Variants in PITPNM2 observed in about 807,000 individuals in gnomAD.
The protein encoded by PITPNM2 is phosphatidylinositol transfer protein membrane associated 2.
Under a neutral mutation model 132.2 loss-of-function variants are expected in PITPNM2, and 35 were observed. The observed-to-expected ratio is 0.26, with a 90% CI of 0.20 to 0.35. The LOEUF is 0.35. Ranked by LOEUF, PITPNM2 falls within the 10% of genes least tolerant of loss-of-function variation. The pLI is 1.00. For synonymous variants in PITPNM2, 738 were observed against 799.2 expected, an observed-to-expected ratio of 0.92 and a Z score of 1.29; for missense variants, 1,332 against 1,912.0, an observed-to-expected ratio of 0.70 and a Z score of 5.66.
In PITPNM2 at chr12:123,150,849, C is replaced by CCGGCCCGGCCGGCTGCGCCCCGCG. The variant is rs2043728021; in HGVS notation, c.-320_-297dup. ...CACGGGGAGCGCCCGCCCCGCGGCCCCGGCCCGGCCGGCTGCGCCCCGCGC... is the reference window on the plus strand; with the variant it reads ...CACGGGGAGCGCCCGCCCCGCGGCCCCGGCCCGGCCGGCTGCGCCCCGCGCGGCCCGGCCGGCTGCGCCCCGCGC... On this transcript the variant is annotated 5_prime_UTR_variant, in exon 1 of 26. Coordinates refer to ENST00000320201, the MANE Select transcript of PITPNM2 (RefSeq NM_020845.3). The surrounding 1 kb of genome is among the most constrained non-coding windows in gnomAD (Gnocchi z 6.0). Among the ~76,000 whole-genome samples the CCGGCCCGGCCGGCTGCGCCCCGCG allele has an allele frequency of 6.8e-6, 1 of 146,076 alleles. No homozygotes were observed. Among genetic ancestry groups the CCGGCCCGGCCGGCTGCGCCCCGCG allele is most frequent in the African/African-American group, 2.5e-5 (1 of 40,798 alleles).
At chr12:123,065,824 C>T (rs1221174132) in intron 2 of PITPNM2, among the ~76,000 whole-genome samples, 2 of 152,182 alleles carry the variant, frequency 1.3e-5, no homozygotes, top group Non-Finnish European at 2.9e-5. Flanking sequence ...GGTCAGGCAG[C>T]CACAGGGGCA....
In PITPNM2 at chr12:123,125,841, C is replaced by CA. The variant is rs555279923; in HGVS notation, c.-199-15354dup. Reference sequence around the variant, plus strand: ...TGGGCGACAGAGCGAGACTCTGTCTCAAAAAAAAAAAAAAAAATTAGGGTT... The same window carrying CA: ...TGGGCGACAGAGCGAGACTCTGTCTCAAAAAAAAAAAAAAAAAATTAGGGTT... On this transcript the variant is annotated intron_variant, in intron 1 of 25. Transcript: ENST00000320201. 7.2e-4 allele frequency among the ~76,000 whole-genome samples: 37 copies of CA among 51,606 alleles called. 1 individual carries two copies. Among genetic ancestry groups the CA allele is most frequent in the East Asian group, 3.7e-3 (5 of 1,360 alleles). The allele number at this position is 51,606 out of a possible 152,430, so 33.9% of individuals were successfully genotyped here.
chr12:123,113,834 T>A (rs924723701), intron 1 of PITPNM2, among the ~76,000 whole-genome samples: 1 of 152,058 alleles, frequency 6.6e-6, no homozygotes, highest in Non-Finnish European at 1.5e-5. Flanking sequence ...CTTGTACACA[T>A]AAGCAGTCAC....
intron 2 of PITPNM2, among the ~76,000 whole-genome samples, chr12:123,057,399 AT>A (rs201010921): frequency 0.015 from 2,312 of 149,246 alleles, 50 homozygotes; most frequent in African/African-American, 0.055. Flanking sequence ...AAAAAAAAAA[AT>A]TTAAATTCAA....
In PITPNM2 at chr12:123,083,382, T is replaced by A. The variant is rs1361566906; in HGVS notation, c.-96+27003A>T. 1 of 152,150 alleles carries A rather than the reference T, an allele frequency of 6.6e-6. No homozygotes were observed. The highest frequency in any genetic ancestry group is 1.5e-5 in the Non-Finnish European group (1 of 68,070). The allele number at this position is 152,150 out of a possible 1,614,324, so 9.4% of individuals were successfully genotyped here. ...TGGATGAATGAAGACCCTGTATAGG[T>A]CAATGCCTCAAATGTCTGTGCCTGG... On this transcript the variant is annotated intron_variant, in intron 2 of 25. Coordinates refer to ENST00000320201, the MANE Select transcript of PITPNM2 (RefSeq NM_020845.3). This position sits in a 1 kb window ranked among gnomAD's most constrained non-coding sequence, Gnocchi z 4.5.
intron 2 of PITPNM2, among the ~76,000 whole-genome samples, chr12:123,060,503 A>G (rs1376480567): frequency 6.6e-6 from 1 of 152,164 alleles, no homozygotes; most frequent in East Asian, 1.9e-4. Context: ...ACTTCCACCC[A>G]ATGCTCACTC....
chr12:123,042,655 C>T (rs1336561661), intron 2 of PITPNM2, among the ~76,000 whole-genome samples: 2 of 152,190 alleles, frequency 1.3e-5, no homozygotes, highest in African/African-American at 4.8e-5. Context: ...TATCCATAAC[C>T]TCCTTCTGCC....
chr12:123,090,645 T>A (rs1286746219), intron 2 of PITPNM2: 1 of 152,330 alleles, frequency 6.6e-6, no homozygotes, highest in Non-Finnish European at 1.5e-5. Flanking sequence ...AGTGCTGGGA[T>A]TACAGGCGTG....
At position 123,008,858 on chromosome 12, in the gene PITPNM2, G is replaced by A. The variant is rs183195716; in HGVS notation, c.643+992C>T. ...CGCGTCCTTGGACCCCAATCCTTTC[G>A]GGTACACATCCACCCTTCCCTTGGG... On this transcript the variant is annotated intron_variant, in intron 6 of 25. Transcript: ENST00000320201. This position sits in a 1 kb window ranked among gnomAD's most constrained non-coding sequence, Gnocchi z 4.1. Among the ~76,000 whole-genome samples, 3 of 152,292 alleles carry A rather than the reference G, an allele frequency of 2.0e-5. No homozygotes were observed. Among genetic ancestry groups the A allele is most frequent in the Admixed American group, 1.3e-4 (2 of 15,308 alleles).
Position 123,030,687 on chromosome 12 carries a change from C to T in PITPNM2, c.78+3826G>A, listed in dbSNP as rs1464615832. Among the ~76,000 whole-genome samples, 7 of 146,728 alleles carry T rather than the reference C, an allele frequency of 4.8e-5. No homozygotes were observed. In the East Asian group the frequency reaches 1.0e-3, roughly 21 times the overall value. On this transcript the variant is annotated intron_variant, in intron 3 of 25. Transcript: ENST00000320201. ...CACCCTGGGCGACAGAGCGAGACTC[C>T]ATCTCAAAAAAAAAAAAAAGAAAAC...
At chr12:123,067,237 C>T (rs142235071) in intron 2 of PITPNM2, among the ~76,000 whole-genome samples, 102 of 152,162 alleles carry the variant, frequency 6.7e-4, no homozygotes, top group African/African-American at 2.3e-3. Flanking sequence ...GGGTGGAACA[C>T]CTGAGGTCAG....
intron 16 of PITPNM2, among the ~76,000 whole-genome samples, 175 bp from the exon 17 acceptor site, chr12:122,990,884 TGAG>T (rs1471961371): frequency 6.6e-6 from 1 of 151,858 alleles, no homozygotes; most frequent in African/African-American, 2.4e-5. Context: ...CTTTAGCAGG[TGAG>T]GAGGAGGGCT....
intron 3 of PITPNM2, among the ~76,000 whole-genome samples, chr12:123,014,585 C>T (rs769578423): frequency 3.4e-4 from 51 of 152,020 alleles, no homozygotes; most frequent in Admixed American, 2.4e-3. Flanking sequence ...TGCCTGTAGC[C>T]CCAGGTACTC....
At chr12:122,988,641 A>T in intron 19 of PITPNM2, 83 bp downstream of exon 19, 1 of 1,398,820 alleles carries the variant, frequency 7.1e-7, no homozygotes, top group Non-Finnish European at 9.7e-7. Context: ...AGGAGTCCCC[A>T]CTGTCCCCTC....
chr12:123,100,071 C>T (rs1245327208), intron 2 of PITPNM2, among the ~76,000 whole-genome samples: 2 of 152,208 alleles, frequency 1.3e-5, no homozygotes, highest in Non-Finnish European at 2.9e-5. Flanking sequence ...ATAAGGTCTG[C>T]ATTTCACAGA....
intron 2 of PITPNM2, among the ~76,000 whole-genome samples, chr12:123,059,843 G>C (rs959691396): frequency 6.6e-6 from 1 of 152,264 alleles, no homozygotes; most frequent in Non-Finnish European, 1.5e-5. Context: ...CTGCTTAAAA[G>C]GGACAGGGGT....
At position 122,985,154 on chromosome 12, in the gene PITPNM2, G is replaced by T. The variant is rs959158222; in HGVS notation, c.*873C>A. On this transcript the variant is annotated 3_prime_UTR_variant, in exon 26 of 26. Transcript: ENST00000320201. Reference sequence around the variant, plus strand: ...GTGCTGGGTGTTTTCAGTGTGGAGGGGCTGCTCTCAGTACTGAAAGAGTTA... The same window carrying T: ...GTGCTGGGTGTTTTCAGTGTGGAGGTGCTGCTCTCAGTACTGAAAGAGTTA... The T allele has an allele frequency of 6.6e-6, 1 of 152,500 alleles. No individual in the cohort carries two copies. The highest frequency in any genetic ancestry group is 2.4e-5 in the African/African-American group (1 of 41,424). The allele number at this position is 152,500 out of a possible 1,614,324, so 9.4% of individuals were successfully genotyped here. A position where few individuals can be genotyped will look rare whatever the true frequency, so the allele number is the denominator to read the frequency against.
intron 8 of PITPNM2, among the ~76,000 whole-genome samples, chr12:123,003,894 T>C (rs2038803042): frequency 6.6e-6 from 1 of 152,248 alleles, no homozygotes; most frequent in Non-Finnish European, 1.5e-5. Context: ...GCATCTGCTG[T>C]ATGGTCATGC....
chr12:123,067,052 G>GA (rs2041448173), intron 2 of PITPNM2, among the ~76,000 whole-genome samples: 1 of 152,202 alleles, frequency 6.6e-6, no homozygotes, highest in Non-Finnish European at 1.5e-5. Flanking sequence ...ACCTTATTTG[G>GA]AAATAGGGTA....
Sources: gnomAD v4.1 joint callset for allele counts (sites outside exome capture counted in the v4.1 genomes callset) on GRCh38, gnomAD v4.1.1 for gene constraint, Gnocchi (gnomAD v3.1) non-coding constraint, MANE v1.5 for transcripts, NCBI Gene and HGNC (gene_info 2026-07-23, HGNC 2026-07-21) for gene names.